Variants in MACROD2 observed in about 807,000 individuals in gnomAD.
MACROD2 encodes mono-ADP ribosylhydrolase 2.
Under a neutral mutation model 70.4 loss-of-function variants are expected in MACROD2, and 36 were observed. That is an observed-to-expected ratio of 0.51 (90% confidence interval 0.39 to 0.68). MACROD2 has a LOEUF of 0.68. Among genes scored for constraint, MACROD2 ranks in the 30% least tolerant of loss-of-function variants. The pLI is 0.00. For missense variants in MACROD2, 496 were observed against 538.4 expected (o/e 0.92, Z 0.78); for synonymous variants, 172 against 178.8 (o/e 0.96, Z 0.30).
Position 15,491,499 on chromosome 20 carries a change from G to A in MACROD2, c.572-8275G>A, listed in dbSNP as rs534653785. Among the ~76,000 whole-genome samples, 6 of 152,362 alleles carry A rather than the reference G, an allele frequency of 3.9e-5. No homozygotes were observed. In the East Asian group the frequency reaches 1.2e-3, roughly 29 times the overall value. On this transcript the variant is annotated intron_variant, in intron 7 of 17. Coordinates refer to ENST00000684519, the MANE Select transcript of MACROD2 (RefSeq NM_001351661.2). ...TAATTTGGGAGGTGACTTTTGGAAA[G>A]AGAGACAAAGAAAGGAAGCAAATAA...
intron 8 of MACROD2, among the ~76,000 whole-genome samples, chr20:15,597,908 G>C (rs1356299087): frequency 6.6e-6 from 1 of 152,158 alleles, no homozygotes; most frequent in Non-Finnish European, 1.5e-5. Flanking sequence ...GCAAAAACCT[G>C]TCTCCACTGA....
chr20:14,415,756 T>G (rs1186716185), intron 3 of MACROD2, among the ~76,000 whole-genome samples: 1 of 152,134 alleles, frequency 6.6e-6, no homozygotes, highest in Non-Finnish European at 1.5e-5. Flanking sequence ...AAGTACAAAT[T>G]GAAGTTTCAG....
Position 14,306,655 on chromosome 20 carries a change from A to C in MACROD2, c.272-186824A>C, listed in dbSNP as rs141808259. On this transcript the variant is annotated intron_variant, in intron 3 of 17. Coordinates refer to ENST00000684519, the MANE Select transcript of MACROD2 (RefSeq NM_001351661.2). ...CATTCTCAAACAAGGATAAGCTAAA[A>C]TTCCTATCTTCTAGGGAGAGGACAA... Among the ~76,000 whole-genome samples the C allele has an allele frequency of 2.8e-3, 425 of 152,272 alleles. 3 individuals are homozygous for C. Among genetic ancestry groups the C allele is most frequent in the Admixed American group, 3.7e-3 (57 of 15,282 alleles).
chr20:15,245,464 A>T (rs1393998842), intron 6 of MACROD2, among the ~76,000 whole-genome samples: 1 of 152,220 alleles, frequency 6.6e-6, no homozygotes, highest in African/African-American at 2.4e-5. Context: ...GTATTCAAAT[A>T]ACTGTGTGGC....
intron 3 of MACROD2, among the ~76,000 whole-genome samples, chr20:14,110,704 G>A (rs1020241851): frequency 1.3e-5 from 2 of 151,884 alleles, no homozygotes; most frequent in Non-Finnish European, 2.9e-5. Flanking sequence ...ATAAAACATT[G>A]ATGCCAGAAA....
At chr20:15,401,260 G>T (rs1025500734) in intron 6 of MACROD2, among the ~76,000 whole-genome samples, 1 of 152,006 alleles carries the variant, frequency 6.6e-6, no homozygotes, top group Non-Finnish European at 1.5e-5. Context: ...GGATGGTCTC[G>T]ATCTCCTGAC....
At chr20:15,991,607 T>C (rs948126009) in intron 15 of MACROD2, among the ~76,000 whole-genome samples, 2 of 152,220 alleles carry the variant, frequency 1.3e-5, no homozygotes, top group Non-Finnish European at 2.9e-5. Flanking sequence ...TCATGCAAAA[T>C]ACTATATACA....
intron 15 of MACROD2, among the ~76,000 whole-genome samples, chr20:16,038,634 T>G (rs2067266981): frequency 1.3e-5 from 2 of 151,726 alleles, no homozygotes; most frequent in Admixed American, 6.6e-5. Flanking sequence ...TGGCATCCAA[T>G]TTCCAAAATA....
At chr20:14,092,271 C>T (rs780681344) in intron 3 of MACROD2, among the ~76,000 whole-genome samples, 1 of 152,028 alleles carries the variant, frequency 6.6e-6, no homozygotes, top group African/African-American at 2.4e-5. Context: ...ATGTCAAACA[C>T]CTCTCCATAT....
chr20:14,529,964 G>A (rs1019618786), intron 4 of MACROD2, among the ~76,000 whole-genome samples: 2 of 152,196 alleles, frequency 1.3e-5, no homozygotes, highest in South Asian at 2.1e-4. Context: ...ATTTGAGTGC[G>A]ACTAGTTTAT....
intron 6 of MACROD2, among the ~76,000 whole-genome samples, chr20:15,316,101 T>C (rs1302821328): frequency 8.4e-6 from 1 of 118,804 alleles, no homozygotes; most frequent in Admixed American, 8.3e-5. Flanking sequence ...AATGGCACAC[T>C]AAAAAAAAAA....
At chr20:15,895,642 T>G (rs1269158351) in intron 10 of MACROD2, among the ~76,000 whole-genome samples, 1 of 152,140 alleles carries the variant, frequency 6.6e-6, no homozygotes, top group Non-Finnish European at 1.5e-5. Flanking sequence ...GAGGGCCTGG[T>G]GGCGGCAGCC....
chr20:14,771,393 C>A (rs2072163131), intron 5 of MACROD2, among the ~76,000 whole-genome samples: 1 of 151,750 alleles, frequency 6.6e-6, no homozygotes, highest in African/African-American at 2.4e-5. Context: ...ACTTCAAACA[C>A]CATATTATAA....
intron 6 of MACROD2, among the ~76,000 whole-genome samples, chr20:15,316,436 A>G (rs1029620217): frequency 6.6e-6 from 1 of 152,112 alleles, no homozygotes; most frequent in African/African-American, 2.4e-5. Context: ...GTCAAAAGCT[A>G]TTAAAAGAGA....
intron 8 of MACROD2, among the ~76,000 whole-genome samples, chr20:15,530,350 A>G (rs963279320): frequency 1.3e-5 from 2 of 152,196 alleles, no homozygotes; most frequent in African/African-American, 4.8e-5. Flanking sequence ...GGGTTTCTTT[A>G]GGTTTAATAC....
intron 8 of MACROD2, among the ~76,000 whole-genome samples, chr20:15,691,140 A>G (rs1441862452): frequency 2.0e-5 from 3 of 152,168 alleles, no homozygotes; most frequent in African/African-American, 4.8e-5. Flanking sequence ...GGATATGTCA[A>G]TCTTCCCAAA....
At chr20:14,903,392 T>A (rs551892900) in intron 5 of MACROD2, among the ~76,000 whole-genome samples, 9 of 152,196 alleles carry the variant, frequency 5.9e-5, no homozygotes, top group Admixed American at 3.9e-4. Flanking sequence ...CAACAGATGA[T>A]CATATCAAAG....
chr20:15,020,045 A>T (rs2075152552), intron 5 of MACROD2, among the ~76,000 whole-genome samples: 1 of 152,174 alleles, frequency 6.6e-6, no homozygotes, highest in East Asian at 1.9e-4. Context: ...CATCAAGTTG[A>T]TCATAAATAC....
chr20:15,324,367 TA>T (rs1315386852), intron 6 of MACROD2, among the ~76,000 whole-genome samples: 1 of 152,198 alleles, frequency 6.6e-6, no homozygotes, highest in African/African-American at 2.4e-5. Flanking sequence ...GTTTACATCT[TA>T]TCTCCTCTCT....
Sources: allele counts gnomAD v4.1 joint callset (sites outside exome capture counted in the v4.1 genomes callset), GRCh38; gene constraint gnomAD v4.1.1; transcripts MANE v1.5; gene names NCBI Gene and HGNC (gene_info 2026-07-23, HGNC 2026-07-21).